PTPRG: variants seen among roughly 807,000 people sequenced by gnomAD.
PTPRG encodes receptor-type tyrosine-protein phosphatase gamma.
Under a neutral mutation model 165.3 loss-of-function variants are expected in PTPRG, and 102 were observed. The ratio of observed to expected loss-of-function variants is 0.62; its 90% CI spans 0.53 to 0.73. The LOEUF is 0.73. Among genes scored for constraint, PTPRG ranks in the 30% least tolerant of loss-of-function variants. PTPRG has a pLI of 0.00. For synonymous variants in PTPRG, 675 were observed against 669.5 expected (o/e 1.01, Z -0.13); for missense variants, 1,866 against 1,861.4 (o/e 1.00, Z -0.05).
intron 4 of PTPRG, among the ~76,000 whole-genome samples, chr3:62,014,017 C>G (rs2041485559): frequency 6.6e-6 from 1 of 152,146 alleles, no homozygotes; most frequent in Admixed American, 6.5e-5. Flanking sequence ...ATCAGCAACA[C>G]CACCAACTGC....
intron 1 of PTPRG, among the ~76,000 whole-genome samples, chr3:61,733,781 T>A (rs778445944): frequency 6.6e-6 from 1 of 152,188 alleles, no homozygotes; most frequent in African/African-American, 2.4e-5. Context: ...CTGGGATTGA[T>A]CAACTCTTCA....
chr3:61,729,783 CT>C (rs2032417760), intron 1 of PTPRG, among the ~76,000 whole-genome samples: 1 of 152,058 alleles, frequency 6.6e-6, no homozygotes, highest in South Asian at 2.1e-4. Context: ...CTTGTTTATG[CT>C]TTTTATGTAC....
intron 2 of PTPRG, among the ~76,000 whole-genome samples, chr3:61,910,373 AT>A (rs1454314931): frequency 1.3e-5 from 2 of 152,206 alleles, no homozygotes. Flanking sequence ...CAAGAGTCAT[AT>A]GAGCTTACCA....
At chr3:61,618,389 C>T (rs924338166) in intron 1 of PTPRG, among the ~76,000 whole-genome samples, 4 of 152,144 alleles carry the variant, frequency 2.6e-5, no homozygotes, top group African/African-American at 9.7e-5. Flanking sequence ...GTGTCCTGCT[C>T]ACATTTGAAT....
At chr3:61,698,990 A>G in intron 1 of PTPRG, among the ~76,000 whole-genome samples, 1 of 151,948 alleles carries the variant, frequency 6.6e-6, no homozygotes, top group Non-Finnish European at 1.5e-5. Context: ...TGGACACAGG[A>G]AGGGGAACAT....
At chr3:62,260,707 A>C (rs1701670013) in intron 16 of PTPRG, among the ~76,000 whole-genome samples, 1 of 152,194 alleles carries the variant, frequency 6.6e-6, no homozygotes. Context: ...AAATCCTGTT[A>C]ACTTTGAAAT....
chr3:61,964,262 T>C (rs982325134), intron 2 of PTPRG, among the ~76,000 whole-genome samples: 1 of 152,238 alleles, frequency 6.6e-6, no homozygotes, highest in East Asian at 1.9e-4. Flanking sequence ...ATTGGCAGGA[T>C]GGCTTTATAA....
intron 3 of PTPRG, among the ~76,000 whole-genome samples, chr3:62,000,779 C>T (rs1031635273): frequency 6.6e-6 from 1 of 152,158 alleles, no homozygotes; most frequent in Non-Finnish European, 1.5e-5. Flanking sequence ...GCCAGTCTTC[C>T]GTGCTGTCCA....
At chr3:61,680,289 AAGT>A (rs1703386856) in intron 1 of PTPRG, among the ~76,000 whole-genome samples, 1 of 152,044 alleles carries the variant, frequency 6.6e-6, no homozygotes, top group African/African-American at 2.4e-5. Flanking sequence ...GCGGTAAGGA[AAGT>A]AGAGTGAGGG....
intron 2 of PTPRG, among the ~76,000 whole-genome samples, chr3:61,878,070 A>C (rs968251003): frequency 2.0e-5 from 3 of 152,206 alleles, no homozygotes; most frequent in Non-Finnish European, 2.9e-5. Context: ...TAATTTTCTC[A>C]AGAAGTGTTA....
intron 18 of PTPRG, 88 bp from the exon 19 acceptor site, chr3:62,267,597 G>A: frequency 1.3e-6 from 2 of 1,538,432 alleles, no homozygotes; most frequent in African/African-American, 2.8e-5. Context: ...TAAAAACAAA[G>A]CCCATTCAAT....
intron 5 of PTPRG, among the ~76,000 whole-genome samples, chr3:62,120,801 G>A (rs544094736): frequency 2.0e-5 from 3 of 151,944 alleles, no homozygotes; most frequent in South Asian, 2.1e-4. Context: ...GTGGGTAGAC[G>A]ATTGTGATTG....
intron 1 of PTPRG, among the ~76,000 whole-genome samples, chr3:61,694,986 C>G (rs560910455): frequency 6.6e-6 from 1 of 152,020 alleles, no homozygotes; most frequent in South Asian, 2.1e-4. Flanking sequence ...ACTGCGTACT[C>G]TTTTGAACTG....
intron 1 of PTPRG, among the ~76,000 whole-genome samples, chr3:61,604,885 C>T (rs1036419719): frequency 1.3e-5 from 2 of 152,044 alleles, no homozygotes; most frequent in Admixed American, 1.3e-4. Context: ...ATATATATTA[C>T]CTGATTTGAT....
chr3:61,964,195 A>G (rs2107647485), intron 2 of PTPRG, among the ~76,000 whole-genome samples: 1 of 152,360 alleles, frequency 6.6e-6, no homozygotes, highest in Non-Finnish European at 1.5e-5. Context: ...TTGATGGGAA[A>G]GAGGGGACAA....
intron 2 of PTPRG, among the ~76,000 whole-genome samples, chr3:61,775,708 A>T (rs1022714423): frequency 3.9e-5 from 6 of 152,146 alleles, no homozygotes; most frequent in South Asian, 2.1e-4. Context: ...CTGGATTAAG[A>T]AAATGTGGCA....
intron 1 of PTPRG, among the ~76,000 whole-genome samples, chr3:61,621,051 A>ATATATATGTG: frequency 2.0e-4 from 24 of 117,996 alleles, no homozygotes; most frequent in African/African-American, 6.6e-4. Flanking sequence ...ATATATATAT[A>ATATATATGTG]TGTGTGTGTG....
At chr3:62,120,483 GC>G (rs936698022) in intron 5 of PTPRG, among the ~76,000 whole-genome samples, 7 of 74,188 alleles carry the variant, frequency 9.4e-5, no homozygotes, top group African/African-American at 2.6e-4. Context: ...AGGTGCAGTG[GC>G]TCACGCCTGT....
intron 12 of PTPRG, 101 bp downstream of exon 12, chr3:62,204,051 AATATTCTTAGAATCATATATGTCTGTC>A: frequency 6.8e-7 from 1 of 1,461,790 alleles, no homozygotes; most frequent in Non-Finnish European, 9.0e-7. Flanking sequence ...GAAGGTACTT[AATATTCTTAGAATCATATATGTCTGTC>A]ATAGAAAAGG....
Sources: gnomAD v4.1 joint callset for allele counts (sites outside exome capture counted in the v4.1 genomes callset) on GRCh38, gnomAD v4.1.1 for gene constraint, MANE v1.5 for transcripts, NCBI Gene and HGNC (gene_info 2026-07-23, HGNC 2026-07-21) for gene names.